The following FAM135B variants were observed in gnomAD, a reference collection of about 807,000 sequenced individuals.
The protein encoded by FAM135B is protein FAM135B.
Under a neutral mutation model 127.7 loss-of-function variants are expected in FAM135B, and 43 were observed. That is an observed-to-expected ratio of 0.34 (90% CI 0.26 to 0.43). The LOEUF (loss-of-function observed/expected upper bound fraction) is 0.43, where lower values mean the gene tolerates loss of function less well. Among genes scored for constraint, FAM135B ranks in the 20% least tolerant of loss-of-function variants. The pLI is 1.00. For synonymous variants in FAM135B, 670 were observed against 665.1 expected, an observed-to-expected ratio of 1.01 and a Z score of -0.11; for missense variants, 1,558 against 1,725.6, an observed-to-expected ratio of 0.90 and a Z score of 1.72.
At chr8:138,274,483 G>T (rs1034889807) in intron 3 of FAM135B, among the ~76,000 whole-genome samples, 3 of 152,180 alleles carry the variant, frequency 2.0e-5, no homozygotes, top group African/African-American at 7.2e-5. Context: ...CAGGACGGAG[G>T]CAAAATTAAA....
chr8:138,158,216 A>G (rs965480233), intron 12 of FAM135B, among the ~76,000 whole-genome samples: 4 of 152,228 alleles, frequency 2.6e-5, no homozygotes, highest in Non-Finnish European at 5.9e-5. Flanking sequence ...CCCTTTTTAA[A>G]TAAATGGTGC....
intron 1 of FAM135B, among the ~76,000 whole-genome samples, chr8:138,420,274 A>T (rs1834417006): frequency 6.6e-6 from 1 of 152,018 alleles, no homozygotes; most frequent in Admixed American, 6.6e-5. Context: ...ATTCCTGGAA[A>T]CATAAAATTT....
At chr8:138,266,161 G>A (rs2130637105) in intron 3 of FAM135B, among the ~76,000 whole-genome samples, 1 of 152,196 alleles carries the variant, frequency 6.6e-6, no homozygotes, top group Non-Finnish European at 1.5e-5. Context: ...CCCCTTCTCT[G>A]TGAAGCATTC....
At chr8:138,248,116 C>T (rs1821424387) in intron 6 of FAM135B, among the ~76,000 whole-genome samples, 1 of 152,182 alleles carries the variant, frequency 6.6e-6, no homozygotes, top group Admixed American at 6.5e-5. Context: ...TTTACATGTG[C>T]TGTCTCATTT....
In FAM135B at chr8:138,317,611, G is replaced by T. The variant is rs541406049; in HGVS notation, c.78-6691C>A. Among the ~76,000 whole-genome samples the T allele has an allele frequency of 2.6e-5, 4 of 152,256 alleles. No homozygotes were observed. In the South Asian group the frequency reaches 6.2e-4, roughly 24 times the overall value. On this transcript the variant is annotated intron_variant, in intron 2 of 19. Transcript: ENST00000395297. Reference sequence around the variant, plus strand: ...AGCATTTAATTGAAAAACATAAAAGGCATCTGTCCTGTTCAACAGGAAAAT... The same window carrying T: ...AGCATTTAATTGAAAAACATAAAAGTCATCTGTCCTGTTCAACAGGAAAAT...
intron 1 of FAM135B, among the ~76,000 whole-genome samples, chr8:138,413,511 T>C (rs1281964476): frequency 6.6e-6 from 1 of 152,238 alleles, no homozygotes; most frequent in Non-Finnish European, 1.5e-5. Context: ...GACTGCCTTA[T>C]TCATTTTTCA....
chr8:138,213,930 A>G (rs1158467055), intron 7 of FAM135B, among the ~76,000 whole-genome samples: 1 of 136,126 alleles, frequency 7.3e-6, no homozygotes, highest in Non-Finnish European at 1.6e-5. Flanking sequence ...TGGACTCAAC[A>G]TAACTTTTGG....
At chr8:138,177,074 T>C (rs778283366) in intron 11 of FAM135B, among the ~76,000 whole-genome samples, 13 of 152,220 alleles carry the variant, frequency 8.5e-5, no homozygotes, top group Non-Finnish European at 1.5e-4. Flanking sequence ...TCAGCACAGA[T>C]GTCTTCAGGG....
At chr8:138,185,537 G>T (rs369509882) in intron 9 of FAM135B, among the ~76,000 whole-genome samples, 4 of 152,072 alleles carry the variant, frequency 2.6e-5, no homozygotes, top group Non-Finnish European at 5.9e-5. Context: ...CCCCAAATAC[G>T]CAATCTCCGC....
In FAM135B at chr8:138,474,247, C is replaced by A. The variant is rs142616464; in HGVS notation, c.-20+22424G>T. On this transcript the variant is annotated intron_variant, in intron 1 of 19. Transcript: ENST00000395297. ...TAGATGGATGAACAAAAAGTAAGGA[C>A]GTTGAGGCCAGACAGACCCCCACGA... Among the ~76,000 whole-genome samples, 45 of 152,186 alleles carry A rather than the reference C, an allele frequency of 3.0e-4. 1 individual carries two copies. The highest frequency in any genetic ancestry group is 1.1e-3 in the African/African-American group (44 of 41,534).
intron 9 of FAM135B, 132 bp downstream of exon 9, chr8:138,195,126 C>T: frequency 2.7e-6 from 2 of 750,066 alleles, no homozygotes; most frequent in Non-Finnish European, 2.2e-6. Flanking sequence ...GAATATTTCT[C>T]CAGCTTGGTA....
intron 7 of FAM135B, among the ~76,000 whole-genome samples, chr8:138,206,453 A>C (rs1456235748): frequency 1.4e-4 from 20 of 143,066 alleles, no homozygotes; most frequent in Middle Eastern, 4.5e-3. Flanking sequence ...CTCCATCTAC[A>C]CACAACTCCA....
chr8:138,354,933 C>T (rs1829997746), intron 2 of FAM135B, among the ~76,000 whole-genome samples: 1 of 152,028 alleles, frequency 6.6e-6, no homozygotes, highest in Admixed American at 6.5e-5. Flanking sequence ...CATATGTATA[C>T]ATGTGCCATG....
At chr8:138,449,381 G>A (rs1836368022) in intron 1 of FAM135B, among the ~76,000 whole-genome samples, 1 of 152,140 alleles carries the variant, frequency 6.6e-6, no homozygotes, top group African/African-American at 2.4e-5. Context: ...GTTCCAGAGA[G>A]AGGAGCCCAC....
At chr8:138,151,085 C>A (rs1309775584) in intron 13 of FAM135B, 109 bp downstream of exon 13, 2 of 671,564 alleles carry the variant, frequency 3.0e-6, no homozygotes, top group Non-Finnish European at 4.7e-6. Context: ...TTATTTAAAT[C>A]AGAAAATCAC....
chr8:138,273,754 TTC>T (rs1823581248), intron 3 of FAM135B, among the ~76,000 whole-genome samples: 1 of 152,144 alleles, frequency 6.6e-6, no homozygotes. Context: ...GCTCTTCAGT[TTC>T]TCTCTCACTC....
intron 4 of FAM135B, among the ~76,000 whole-genome samples, chr8:138,257,010 A>T (rs140280940): frequency 2.6e-5 from 4 of 152,354 alleles, no homozygotes; most frequent in African/African-American, 7.2e-5. Flanking sequence ...TGCAAAAAAA[A>T]TGCTAAACAA....
At chr8:138,218,726 A>G (rs1356358651) in intron 7 of FAM135B, among the ~76,000 whole-genome samples, 2 of 151,280 alleles carry the variant, frequency 1.3e-5, no homozygotes, top group African/African-American at 2.4e-5. Context: ...GACCCTGTTC[A>G]ATGCCCTGCT....
intron 12 of FAM135B, 27 bp from the exon 13 acceptor site, chr8:138,153,243 T>C (rs1818355638): frequency 2.0e-6 from 3 of 1,468,004 alleles, no homozygotes; most frequent in Non-Finnish European, 1.8e-6. Context: ...AAGAAAATTA[T>C]ATTATAGTGT....
Sources: allele counts gnomAD v4.1 joint callset (sites outside exome capture counted in the v4.1 genomes callset), GRCh38; gene constraint gnomAD v4.1.1; transcripts MANE v1.5; gene names NCBI Gene and HGNC (gene_info 2026-07-23, HGNC 2026-07-21).